Variants in PTPN12 observed in about 807,000 individuals in gnomAD.
The protein encoded by PTPN12 is tyrosine-protein phosphatase non-receptor type 12.
A neutral mutation model predicts 97.6 loss-of-function variants in PTPN12; 29 were observed. That is an observed-to-expected ratio of 0.30 (90% CI 0.22 to 0.41). The LOEUF is 0.41. Ranked by LOEUF, PTPN12 falls within the 10% of genes least tolerant of loss-of-function variation. The probability of loss-of-function intolerance (pLI) is 1.00; values close to 1 mark genes in which losing one functional copy is unlikely to be tolerated. For missense variants in PTPN12, 819 were observed against 926.0 expected, an observed-to-expected ratio of 0.88 and a Z score of 1.50; for synonymous variants, 327 against 300.4, an observed-to-expected ratio of 1.09 and a Z score of -0.91.
chr7:77,596,023 A>C (rs926473730), intron 6 of PTPN12, among the ~76,000 whole-genome samples: 1 of 152,186 alleles, frequency 6.6e-6, no homozygotes, highest in Non-Finnish European at 1.5e-5. Flanking sequence ...ATGTTAGGGA[A>C]AATCATGTGT....
intron 1 of PTPN12, among the ~76,000 whole-genome samples, chr7:77,543,723 A>G (rs555942954): frequency 6.6e-6 from 1 of 152,196 alleles, no homozygotes; most frequent in East Asian, 1.9e-4. Flanking sequence ...CTGTTTCCAT[A>G]GATTTAAGTA....
At chr7:77,561,680 C>T (rs1808000629) in intron 1 of PTPN12, among the ~76,000 whole-genome samples, 1 of 151,986 alleles carries the variant, frequency 6.6e-6, no homozygotes, top group East Asian at 1.9e-4. Context: ...TATTTGTAAT[C>T]GGAGGTAAAG....
intron 2 of PTPN12, among the ~76,000 whole-genome samples, chr7:77,578,200 T>G (rs1040911416): frequency 6.6e-6 from 1 of 152,164 alleles, no homozygotes; most frequent in Admixed American, 6.5e-5. Context: ...TAATATGTCA[T>G]ATGAATAAGG....
At position 77,627,195 on chromosome 7, in the gene PTPN12, G is replaced by A. The variant is rs1483117180; in HGVS notation, c.1516G>A (p.Val506Ile). 1 of 1,614,050 alleles carries A rather than the reference G, an allele frequency of 6.2e-7. No individual in the cohort carries two copies. The highest frequency in any genetic ancestry group is 8.5e-7 in the Non-Finnish European group (1 of 1,180,012). The change falls in exon 13 of 18, where the codon GTT becomes ATT. Residue 506 changes from valine (V) to isoleucine (I), a missense_variant. Around this residue, in one of 5 missense-constraint regions of PTPN12, gnomAD observed 607 missense variants for 577.3 expected, o/e 1.05. Transcript: ENST00000248594. ...VDCSVTQSNK[V>I]SVTPPEESQN... The stretch of plus-strand genomic sequence containing the variant: ...CTGCAGTGTAACACAATCAAACAAA[G>A]TTTCAGTTACTCCACCAGAAGAATC...
intron 8 of PTPN12, among the ~76,000 whole-genome samples, chr7:77,603,861 CTG>C (rs1328725428): frequency 1.4e-5 from 2 of 145,148 alleles, no homozygotes; most frequent in African/African-American, 5.1e-5. Flanking sequence ...TTCCCCAATA[CTG>C]TGTGTTATCT....
intron 2 of PTPN12, among the ~76,000 whole-genome samples, chr7:77,573,377 G>C (rs10241548): frequency 0.14 from 20,873 of 152,086 alleles, 1,528 homozygotes; most frequent in African/African-American, 0.18. Flanking sequence ...GGTCACTCTG[G>C]CTCATAGATG....
chr7:77,557,526 A>AT (rs997924847), intron 1 of PTPN12, among the ~76,000 whole-genome samples: 11 of 151,594 alleles, frequency 7.3e-5, no homozygotes, highest in South Asian at 4.2e-4. Flanking sequence ...TGAGTGACAG[A>AT]TTTTTTTTTG....
intron 2 of PTPN12, among the ~76,000 whole-genome samples, chr7:77,572,689 G>A (rs1329583469): frequency 2.0e-5 from 3 of 152,122 alleles, no homozygotes; most frequent in Non-Finnish European, 4.4e-5. Flanking sequence ...TATGACCTTG[G>A]ACTGATCCTC....
At chr7:77,635,977 TTTC>T in intron 15 of PTPN12, 128 bp downstream of exon 15, 2 of 567,098 alleles carry the variant, frequency 3.5e-6, no homozygotes, top group Non-Finnish European at 5.7e-6. Flanking sequence ...TTGATCGGCA[TTTC>T]TTATACTAAG....
chr7:77,563,882 T>C (rs1808107179), intron 1 of PTPN12: 2 of 392,794 alleles, frequency 5.1e-6, no homozygotes, highest in Non-Finnish European at 5.1e-6. Context: ...TTGGTTATTT[T>C]AGCTGCTTAT....
intron 1 of PTPN12, among the ~76,000 whole-genome samples, chr7:77,545,139 T>C (rs1185070787): frequency 1.3e-5 from 2 of 152,266 alleles, no homozygotes; most frequent in African/African-American, 4.8e-5. Flanking sequence ...AAATGTCTTT[T>C]AAACTTTTGG....
chr7:77,584,745 C>T (rs140037919), intron 4 of PTPN12, among the ~76,000 whole-genome samples: 2,781 of 152,022 alleles, frequency 0.018, 34 homozygotes, highest in Middle Eastern at 0.071. Context: ...GACGTGGTGG[C>T]GGGCGCCTGT....
At chr7:77,625,291 C>T (rs1395519641) in intron 12 of PTPN12, among the ~76,000 whole-genome samples, 1 of 149,758 alleles carries the variant, frequency 6.7e-6, no homozygotes, top group Non-Finnish European at 1.5e-5. Flanking sequence ...CATTCTTTCA[C>T]CCAGGCTGGA....
intron 6 of PTPN12, among the ~76,000 whole-genome samples, chr7:77,594,974 T>C (rs1787979172): frequency 6.6e-6 from 1 of 152,226 alleles, no homozygotes. Context: ...GTTTATAATG[T>C]AGAAAATGAA....
chr7:77,542,910 A>G (rs1324608657), intron 1 of PTPN12, among the ~76,000 whole-genome samples: 2 of 152,214 alleles, frequency 1.3e-5, no homozygotes, highest in African/African-American at 4.8e-5. Flanking sequence ...GAGATAGTCG[A>G]CAGCATGGGA....
intron 1 of PTPN12, among the ~76,000 whole-genome samples, chr7:77,543,983 A>T (rs1807107279): frequency 6.6e-6 from 1 of 152,200 alleles, no homozygotes; most frequent in Non-Finnish European, 1.5e-5. Flanking sequence ...ACATTTGTGT[A>T]CAAGTTTCTG....
chr7:77,592,656 GTTATAA>G (rs768364004), intron 6 of PTPN12, among the ~76,000 whole-genome samples: 3 of 152,050 alleles, frequency 2.0e-5, no homozygotes, highest in Admixed American at 1.3e-4. Flanking sequence ...CTCAAAAATT[GTTATAA>G]TTATATATAA....
intron 7 of PTPN12, among the ~76,000 whole-genome samples, chr7:77,598,938 A>G (rs1382945900): frequency 6.6e-6 from 1 of 151,140 alleles, no homozygotes; most frequent in African/African-American, 2.4e-5. Context: ...AAACTAATCA[A>G]CTTTTAGCTA....
At chr7:77,620,882 A>G (rs1218491240) in intron 12 of PTPN12, among the ~76,000 whole-genome samples, 1 of 152,184 alleles carries the variant, frequency 6.6e-6, no homozygotes, top group Non-Finnish European at 1.5e-5. Context: ...CAGGAAGCGA[A>G]GGTGCCAGTG....
Sources: gnomAD v4.1 joint callset for allele counts (sites outside exome capture counted in the v4.1 genomes callset) on GRCh38, gnomAD v4.1.1 for gene constraint, gnomAD v4.1.1 regional missense constraint, MANE v1.5 for transcripts, NCBI Gene and HGNC (gene_info 2026-07-23, HGNC 2026-07-21) for gene names.